The following BPIFC variants were observed in gnomAD, a reference collection of about 807,000 sequenced individuals.
BPIFC encodes BPI fold containing family C.
Under a neutral mutation model 57.6 loss-of-function variants are expected in BPIFC, and 60 were observed. The ratio of observed to expected loss-of-function variants is 1.04; its 90% CI spans 0.85 to 1.29. BPIFC has a LOEUF of 1.29. Ranked by LOEUF, BPIFC falls within the 50% of genes most tolerant of loss-of-function variation. The probability of loss-of-function intolerance (pLI) is 0.00; values close to 1 mark genes in which losing one functional copy is unlikely to be tolerated. For synonymous variants in BPIFC, 243 were observed against 224.5 expected (o/e 1.08, Z -0.74); for missense variants, 581 against 600.5 (o/e 0.97, Z 0.34).
At position 32,437,758 on chromosome 22, in the gene BPIFC, AC is replaced by A. The variant is rs1447381574; in HGVS notation, c.747+1del. Reference sequence around the variant, plus strand: ...TGAGGATTCTGATGATGATAAAGTTACCTTCAAGTTCAGGTCAAGGTAGTTC... The same window carrying A: ...TGAGGATTCTGATGATGATAAAGTTACTTCAAGTTCAGGTCAAGGTAGTTC... On this transcript the variant is annotated splice_donor_variant, in intron 9 of 16. Transcript: ENST00000300399. LOFTEE classifies it high-confidence loss of function. The A allele has an allele frequency of 1.3e-6, 2 of 1,581,938 alleles. No homozygotes were observed. The highest frequency in any genetic ancestry group is 2.7e-5 in the African/African-American group (2 of 74,316).
rs34028436 is a variant in BPIFC, at chr22:32,428,250, C to CGT, written c.1217+3095_1217+3096dup. Among the ~76,000 whole-genome samples, 829 of 143,334 alleles carry CGT rather than the reference C, an allele frequency of 5.8e-3. 11 individuals carry two copies. Among genetic ancestry groups the CGT allele is most frequent in the Admixed American group, 0.026 (377 of 14,602 alleles). 94.0% of individuals were successfully genotyped at this position (143,334 alleles called of 152,430 possible). On this transcript the variant is annotated intron_variant, in intron 13 of 16. Transcript: ENST00000300399. ...ATTATTATTTTAAAATACATTAAAA[C>CGT]GTGTGTGTGTGTGTGTGTGCGCGCG...
intron 13 of BPIFC, among the ~76,000 whole-genome samples, chr22:32,422,103 C>T (rs774767426): frequency 5.3e-5 from 8 of 152,052 alleles, no homozygotes; most frequent in South Asian, 2.1e-4. Context: ...GGCTGTGTTA[C>T]GATTTTCATT....
intron 4 of BPIFC, among the ~76,000 whole-genome samples, chr22:32,448,464 G>A (rs1934795639): frequency 6.6e-6 from 1 of 152,170 alleles, no homozygotes; most frequent in African/African-American, 2.4e-5. Flanking sequence ...CTGTCATTGG[G>A]ACAATCAGAA....
At chr22:32,426,232 A>G (rs1326809691) in intron 13 of BPIFC, among the ~76,000 whole-genome samples, 1 of 152,114 alleles carries the variant, frequency 6.6e-6, no homozygotes, top group Non-Finnish European at 1.5e-5. Flanking sequence ...GGGATGTTCC[A>G]CTGATCTCCA....
At chr22:32,449,102 A>G (rs1934815529) in intron 4 of BPIFC, among the ~76,000 whole-genome samples, 1 of 152,182 alleles carries the variant, frequency 6.6e-6, no homozygotes. Context: ...AGATAAAAAA[A>G]GTGGCTGAAG....
intron 8 of BPIFC, among the ~76,000 whole-genome samples, chr22:32,438,057 G>A (rs552823448): frequency 6.6e-6 from 1 of 152,308 alleles, no homozygotes; most frequent in East Asian, 1.9e-4. Context: ...TTTTCCAAGT[G>A]TATTACTCTG....
chr22:32,462,168 C>CAAAAACA (rs1935174711), intron 1 of BPIFC, among the ~76,000 whole-genome samples: 1 of 53,600 alleles, frequency 1.9e-5, no homozygotes. Context: ...GACTCCATCT[C>CAAAAACA]AAAAAAAAAA....
intron 13 of BPIFC, among the ~76,000 whole-genome samples, chr22:32,420,038 C>T (rs1275625504): frequency 6.6e-6 from 1 of 152,048 alleles, no homozygotes; most frequent in African/African-American, 2.4e-5. Context: ...ACAGTTTTGG[C>T]CGGGCATGGT....
At chr22:32,437,329 GA>G (rs1455111811) in intron 9 of BPIFC, among the ~76,000 whole-genome samples, 1 of 152,174 alleles carries the variant, frequency 6.6e-6, no homozygotes, top group Non-Finnish European at 1.5e-5. Context: ...ATTATTCCAA[GA>G]GCATGTATAT....
At chr22:32,451,583 A>G (rs1420834963) in intron 4 of BPIFC, among the ~76,000 whole-genome samples, 1 of 152,124 alleles carries the variant, frequency 6.6e-6, no homozygotes, top group Non-Finnish European at 1.5e-5. Flanking sequence ...GCATTAGGAG[A>G]TATACCTAAT....
Position 32,446,403 on chromosome 22 carries a change from T to C in BPIFC, c.375-407A>G, listed in dbSNP as rs116042159. Among the ~76,000 whole-genome samples the C allele has an allele frequency of 4.1e-3, 622 of 152,098 alleles. 5 individuals are homozygous for C. Among genetic ancestry groups the C allele is most frequent in the African/African-American group, 0.015 (602 of 41,490 alleles). On this transcript the variant is annotated intron_variant, in intron 5 of 16. Transcript: ENST00000300399. Reference sequence around the variant, plus strand: ...GTAGTCTGTGAACTCCTTGAGGGAGTGGATTGTGTGTTACTCATTTCCATG... The same window carrying C: ...GTAGTCTGTGAACTCCTTGAGGGAGCGGATTGTGTGTTACTCATTTCCATG...
At chr22:32,441,346 T>A (rs1934559485) in intron 8 of BPIFC, among the ~76,000 whole-genome samples, 2 of 152,212 alleles carry the variant, frequency 1.3e-5, no homozygotes, top group African/African-American at 4.8e-5. Flanking sequence ...CACTTATCAC[T>A]GCCATAACTT....
At chr22:32,415,500 T>C (rs1204764706) in intron 16 of BPIFC, among the ~76,000 whole-genome samples, 1 of 152,224 alleles carries the variant, frequency 6.6e-6, no homozygotes, top group African/African-American at 2.4e-5. Flanking sequence ...GGGGAAAGTC[T>C]TCTGACTGGG....
intron 3 of BPIFC, among the ~76,000 whole-genome samples, chr22:32,455,527 A>C (rs1182685999): frequency 6.6e-6 from 1 of 152,124 alleles, no homozygotes. Context: ...TCCTCACAGC[A>C]ACCCAGTGAC....
intron 4 of BPIFC, 26 bp downstream of exon 4, chr22:32,453,357 G>A (rs748001834): frequency 2.6e-6 from 4 of 1,521,210 alleles, no homozygotes; most frequent in Non-Finnish European, 8.9e-7. Context: ...TCTTATAAGA[G>A]GCAAAATGCT....
At chr22:32,442,781 G>C in intron 7 of BPIFC, 50 bp from the exon 8 acceptor site, 1 of 1,565,088 alleles carries the variant, frequency 6.4e-7, no homozygotes, top group Non-Finnish European at 8.8e-7. Context: ...TGTTGTACTG[G>C]AAAGCCTTAT....
At chr22:32,447,679 C>T (rs4821064) in intron 4 of BPIFC, among the ~76,000 whole-genome samples, 24,080 of 148,760 alleles carry the variant, frequency 0.16, 2,023 homozygotes, top group Middle Eastern at 0.22. Flanking sequence ...GATCATAGCT[C>T]ACTGCAGCCT....
rs1326497404 is a variant in BPIFC, at chr22:32,414,132, AAC to A, written c.*169_*170del. 2.8e-6 allele frequency: 2 copies of A among 714,476 alleles called. No individual in the cohort carries two copies. The highest frequency in any genetic ancestry group is 1.8e-5 in the African/African-American group (1 of 55,598). The allele number at this position is 714,476 out of a possible 1,614,324, so 44.3% of individuals were successfully genotyped here. On this transcript the variant is annotated 3_prime_UTR_variant, in exon 17 of 17. Coordinates refer to ENST00000300399, the MANE Select transcript of BPIFC (RefSeq NM_174932.3). ...TTCAGACACCTCTATTTATCCCTTT[AAC>A]AGAGTCTGCCTTATTCTGGGTTCCT...
chr22:32,437,672 TG>T, intron 9 of BPIFC, 87 bp downstream of exon 9: 1 of 949,132 alleles, frequency 1.1e-6, no homozygotes, highest in Non-Finnish European at 1.7e-6. Flanking sequence ...ATTACAGGTG[TG>T]AGGCACCGTG....
Sources: gnomAD v4.1 joint callset for allele counts (sites outside exome capture counted in the v4.1 genomes callset) on GRCh38, gnomAD v4.1.1 for gene constraint, MANE v1.5 for transcripts, NCBI Gene and HGNC (gene_info 2026-07-23, HGNC 2026-07-21) for gene names.